SLC26A7: variants seen among roughly 807,000 people sequenced by gnomAD.
SLC26A7 encodes the protein solute carrier family 26 member 7.
A neutral mutation model predicts 82.5 loss-of-function variants in SLC26A7; 59 were observed. That is an observed-to-expected ratio of 0.72 (90% CI 0.58 to 0.89). The LOEUF (loss-of-function observed/expected upper bound fraction) is 0.89, where lower values mean the gene tolerates loss of function less well. SLC26A7 is among the 40% of genes least tolerant of loss of function. The pLI, the probability that SLC26A7 is intolerant of heterozygous loss-of-function variation, is 0.00. For synonymous variants in SLC26A7, 271 were observed against 274.3 expected, an observed-to-expected ratio of 0.99 and a Z score of 0.12; for missense variants, 820 against 793.0, an observed-to-expected ratio of 1.03 and a Z score of -0.41.
At chr8:91,303,116 A>G (rs1180090529) in intron 4 of SLC26A7, among the ~76,000 whole-genome samples, 1 of 152,178 alleles carries the variant, frequency 6.6e-6, no homozygotes, top group Non-Finnish European at 1.5e-5. Flanking sequence ...TTCTAGCTAA[A>G]AACAGTAAAA....
chr8:91,359,876 ATGTG>A lies in SLC26A7; in HGVS notation c.1315-2460_1315-2457del, dbSNP rs33943189. 6.4e-4 allele frequency among the ~76,000 whole-genome samples: 89 copies of A among 139,388 alleles called. No individual in the cohort carries two copies. In the East Asian group the frequency reaches 9.4e-3, roughly 15 times the overall value. The allele number at this position is 139,388 out of a possible 152,430, so 91.4% of individuals were successfully genotyped here. A position where few individuals can be genotyped will look rare whatever the true frequency, so the allele number is the denominator to read the frequency against. On this transcript the variant is annotated intron_variant, in intron 11 of 18. Transcript: ENST00000276609. The stretch of plus-strand genomic sequence containing the variant: ...TCATGGAAGTAAAATTATCCAAGAT[ATGTG>A]TGTGTGTGTGTGTGTGCGCATGTGT...
chr8:91,360,213 A>C (rs1309064038), intron 11 of SLC26A7, among the ~76,000 whole-genome samples: 1 of 152,190 alleles, frequency 6.6e-6, no homozygotes, highest in Admixed American at 6.5e-5. Flanking sequence ...GAAATGAGGT[A>C]ATTTAGTAGC....
At chr8:91,316,708 C>T (rs1007057263) in intron 4 of SLC26A7, among the ~76,000 whole-genome samples, 1 of 151,434 alleles carries the variant, frequency 6.6e-6, no homozygotes, top group Admixed American at 6.6e-5. Flanking sequence ...AGTGCTTATA[C>T]TTGTGAATGT....
chr8:91,363,592 G>T, intron 13 of SLC26A7, 54 bp downstream of exon 13: 1 of 1,082,680 alleles, frequency 9.2e-7, no homozygotes, highest in Non-Finnish European at 1.3e-6. Context: ...TTGTGGGTGA[G>T]ATAATTTTAA....
In SLC26A7 at chr8:91,362,445, A is replaced by G; in HGVS notation, c.1407A>G (p.Ile469Met). 1 of 1,612,708 alleles carries G rather than the reference A, an allele frequency of 6.2e-7. No individual in the cohort carries two copies. The highest frequency in any genetic ancestry group is 1.3e-5 in the African/African-American group (1 of 74,988). The change falls in exon 12 of 19, where the codon ATA becomes ATG. Residue 469 changes from isoleucine (I) to methionine (M), a missense_variant. Coordinates refer to ENST00000276609, the MANE Select transcript of SLC26A7 (RefSeq NM_052832.4). Reference protein sequence around the residue: ...FGVVCTIAIVIGRFPRAMTVS... With the variant: ...FGVVCTIAIVMGRFPRAMTVS... ...TTGTTTGTACCATAGCTATAGTGAT[A>G]GGACGCTTCCCAAGGTAGGATCCTA...
intron 2 of SLC26A7, among the ~76,000 whole-genome samples, chr8:91,272,047 C>T (rs575123689): frequency 2.0e-5 from 3 of 152,110 alleles, no homozygotes; most frequent in Admixed American, 6.5e-5. Context: ...AAAAAACTAG[C>T]CTTTAACACT....
chr8:91,279,512 T>C (rs960590021), intron 2 of SLC26A7, among the ~76,000 whole-genome samples: 1 of 152,262 alleles, frequency 6.6e-6, no homozygotes, highest in East Asian at 1.9e-4. Context: ...CTATATCACA[T>C]TGTGGTTTTA....
intron 2 of SLC26A7, among the ~76,000 whole-genome samples, chr8:91,256,906 A>G (rs773282756): frequency 3.2e-4 from 48 of 152,112 alleles, no homozygotes; most frequent in Non-Finnish European, 6.3e-4. Context: ...AAGATGGATT[A>G]AAACCTAAAA....
At chr8:91,254,034 G>A (rs762573336) in intron 2 of SLC26A7, among the ~76,000 whole-genome samples, 7 of 152,028 alleles carry the variant, frequency 4.6e-5, no homozygotes, top group Non-Finnish European at 1.0e-4. Flanking sequence ...TAAAATACAA[G>A]TAATTGATTT....
Position 91,366,729 on chromosome 8 carries a change from G to T in SLC26A7, c.1626+12G>T, listed in dbSNP as rs1337290058. ...ATGATATCAGCAAGGTAGGATCAAT[G>T]GTTTGATTAGAATGTCATACTACAT... On this transcript the variant is annotated intron_variant, in intron 14 of 18. Transcript: ENST00000276609. 6.2e-7 allele frequency: 1 copy of T among 1,604,720 alleles called. No homozygotes were observed. The highest frequency in any genetic ancestry group is 8.5e-7 in the Non-Finnish European group (1 of 1,177,330).
At chr8:91,361,087 TTC>T (rs1243576045) in intron 11 of SLC26A7, among the ~76,000 whole-genome samples, 1 of 152,114 alleles carries the variant, frequency 6.6e-6, no homozygotes, top group Non-Finnish European at 1.5e-5. Context: ...TTAAATTGTA[TTC>T]TCTCTTTTAC....
At chr8:91,366,307 G>A (rs1247070522) in intron 13 of SLC26A7, among the ~76,000 whole-genome samples, 1 of 152,094 alleles carries the variant, frequency 6.6e-6, no homozygotes, top group Admixed American at 6.5e-5. Context: ...GATAGTCTAG[G>A]CTACTGCCTC....
At chr8:91,316,605 G>A (rs1215310191) in intron 4 of SLC26A7, among the ~76,000 whole-genome samples, 3 of 151,358 alleles carry the variant, frequency 2.0e-5, no homozygotes, top group African/African-American at 7.3e-5. Context: ...ACTGTGCTGG[G>A]CTTGCCAACA....
At chr8:91,371,280 C>G (rs1221439478) in intron 15 of SLC26A7, among the ~76,000 whole-genome samples, 1 of 151,590 alleles carries the variant, frequency 6.6e-6, no homozygotes, top group African/African-American at 2.4e-5. Context: ...TTTAAATTTA[C>G]TTTAAATAAT....
At chr8:91,324,891 T>G (rs1231336985) in intron 5 of SLC26A7, among the ~76,000 whole-genome samples, 2 of 152,148 alleles carry the variant, frequency 1.3e-5, no homozygotes, top group African/African-American at 4.8e-5. Flanking sequence ...TGATTTCAGT[T>G]AAGAGTATTC....
chr8:91,289,794 A>G (rs1025018985), intron 3 of SLC26A7, among the ~76,000 whole-genome samples: 11 of 152,162 alleles, frequency 7.2e-5, no homozygotes, highest in African/African-American at 2.7e-4. Flanking sequence ...CTAAATGATG[A>G]TCTTTAGGTT....
chr8:91,358,539 T>C (rs1303767903), intron 11 of SLC26A7, among the ~76,000 whole-genome samples: 10 of 151,878 alleles, frequency 6.6e-5, no homozygotes, highest in African/African-American at 1.9e-4. Context: ...TCCATGTTAG[T>C]CAGGATGGTC....
At chr8:91,336,443 G>A (rs184632393) in intron 6 of SLC26A7, among the ~76,000 whole-genome samples, 65 of 152,092 alleles carry the variant, frequency 4.3e-4, no homozygotes, top group Admixed American at 7.2e-4. Context: ...TCTAGGTTGC[G>A]TGCTTCTTAT....
chr8:91,256,665 A>G (rs1456056354), intron 2 of SLC26A7, among the ~76,000 whole-genome samples: 2 of 151,654 alleles, frequency 1.3e-5, no homozygotes. Context: ...TATAGCCCTG[A>G]CTCTCCATTT....
Sources: gnomAD v4.1 joint callset for allele counts (sites outside exome capture counted in the v4.1 genomes callset) on GRCh38, gnomAD v4.1.1 for gene constraint, MANE v1.5 for transcripts, NCBI Gene and HGNC (gene_info 2026-07-23, HGNC 2026-07-21) for gene names.